The following CRACR2A variants were observed in gnomAD, a reference collection of about 807,000 sequenced individuals.
CRACR2A encodes EF-hand calcium-binding domain-containing protein 4B.
In CRACR2A, 79 loss-of-function variants were observed where a neutral mutation model predicts 90.5. The ratio of observed to expected loss-of-function variants is 0.87; its 90% CI spans 0.73 to 1.05. CRACR2A has a LOEUF of 1.05. Ranked by LOEUF, CRACR2A falls within the 50% of genes least tolerant of loss-of-function variation. CRACR2A has a pLI of 0.00. For synonymous variants in CRACR2A, 338 were observed against 356.7 expected, an observed-to-expected ratio of 0.95 and a Z score of 0.59; for missense variants, 823 against 897.2, an observed-to-expected ratio of 0.92 and a Z score of 1.06.
At chr12:3,646,356 A>G (rs1298227870) in intron 11 of CRACR2A, among the ~76,000 whole-genome samples, 1 of 152,226 alleles carries the variant, frequency 6.6e-6, no homozygotes. Flanking sequence ...TTGAAGGGCA[A>G]GGGAGGGCAC....
At chr12:3,621,736 A>G (rs935515138) in intron 17 of CRACR2A, among the ~76,000 whole-genome samples, 5 of 150,794 alleles carry the variant, frequency 3.3e-5, no homozygotes, top group Non-Finnish European at 5.9e-5. Context: ...CAGAAAAAAA[A>G]AATTTAAAAG....
At chr12:3,733,235 AG>A (rs1946390012) in intron 1 of CRACR2A, 25 bp from the exon 2 acceptor site, 1 of 152,276 alleles carries the variant, frequency 6.6e-6, no homozygotes, top group African/African-American at 2.4e-5. Context: ...GAGAGAGGAA[AG>A]GGTTCCTCAC....
Position 3,648,585 on chromosome 12 carries a change from G to A in CRACR2A, c.1075C>T (p.Gln359Ter). Residue 359 changes from glutamine (Q) to a stop codon, truncating the protein, a stop_gained, in exon 11 of 20, where the codon CAG becomes TAG. Transcript: ENST00000440314. LOFTEE classifies it high-confidence loss of function. ...TTGAGGAGCCCGGCCTTCTCACGCT[G>A]TAGACTCTCCGTCACACGGTACACT... ...MEVYRVTESL[Q>*]REKAGLLKQL... The A allele has an allele frequency of 6.2e-7, 1 of 1,614,148 alleles. No individual in the cohort carries two copies. The highest frequency in any genetic ancestry group is 8.5e-7 in the Non-Finnish European group (1 of 1,180,014).
chr12:3,692,946 T>C (rs1439319953), intron 4 of CRACR2A, among the ~76,000 whole-genome samples: 1 of 152,152 alleles, frequency 6.6e-6, no homozygotes, highest in Non-Finnish European at 1.5e-5. Flanking sequence ...TCTGTGGCAG[T>C]GTTGGCATCA....
intron 2 of CRACR2A, among the ~76,000 whole-genome samples, chr12:3,721,601 A>AT: frequency 6.6e-6 from 1 of 151,804 alleles, no homozygotes; most frequent in East Asian, 1.9e-4. Flanking sequence ...AAAAAAAAAA[A>AT]AGTGAGTGAA....
chr12:3,620,952 G>C (rs1343092365), intron 17 of CRACR2A, among the ~76,000 whole-genome samples: 1 of 152,204 alleles, frequency 6.6e-6, no homozygotes, highest in African/African-American at 2.4e-5. Context: ...CTATTAGCTA[G>C]AGCGTTCACT....
chr12:3,680,457 C>T (rs550201203), intron 4 of CRACR2A, 108 bp from the exon 5 acceptor site: 14 of 822,838 alleles, frequency 1.7e-5, no homozygotes, highest in South Asian at 1.4e-4. Context: ...TCGGCCCAGT[C>T]CTACAAAAGC....
intron 7 of CRACR2A, among the ~76,000 whole-genome samples, chr12:3,672,286 A>ATCTCT (rs5796071): frequency 0.15 from 22,373 of 152,130 alleles, 1,788 homozygotes; most frequent in South Asian, 0.26. Context: ...ACACATGGTG[A>ATCTCT]TCTTGCTCAA....
intron 8 of CRACR2A, among the ~76,000 whole-genome samples, chr12:3,658,833 A>T (rs1450127946): frequency 9.3e-5 from 14 of 150,414 alleles, no homozygotes; most frequent in South Asian, 2.1e-4. Flanking sequence ...TTTTTTTTTT[A>T]AATTAGTTTT....
intron 2 of CRACR2A, among the ~76,000 whole-genome samples, chr12:3,720,416 G>GAAGAAAGCAAGAAAGA (rs1946147700): frequency 9.4e-6 from 1 of 106,634 alleles, no homozygotes; most frequent in African/African-American, 3.7e-5. Context: ...TGAGAGAGAG[G>GAAGAAAGCAAGAAAGA]AAGAAAGAAA....
At chr12:3,724,838 C>T (rs1458262047) in intron 2 of CRACR2A, among the ~76,000 whole-genome samples, 1 of 152,168 alleles carries the variant, frequency 6.6e-6, no homozygotes, top group Non-Finnish European at 1.5e-5. Flanking sequence ...TCCGACCTCA[C>T]CCTTCACTGG....
intron 3 of CRACR2A, among the ~76,000 whole-genome samples, chr12:3,699,730 A>G (rs1945804459): frequency 6.6e-6 from 1 of 152,180 alleles, no homozygotes; most frequent in Non-Finnish European, 1.5e-5. Flanking sequence ...GCTATGAGCA[A>G]CCAGTAGACA....
At chr12:3,749,113 T>A (rs1591731054) in intron 1 of CRACR2A, among the ~76,000 whole-genome samples, 1 of 152,206 alleles carries the variant, frequency 6.6e-6, no homozygotes. Context: ...AACTTTTCTA[T>A]AAAATGGGCA....
intron 4 of CRACR2A, among the ~76,000 whole-genome samples, chr12:3,686,335 A>T (rs543878857): frequency 6.6e-6 from 1 of 152,212 alleles, no homozygotes; most frequent in East Asian, 1.9e-4. Flanking sequence ...AAAACACATA[A>T]AAGAATGAGC....
chr12:3,653,436 G>C (rs1035536596), intron 10 of CRACR2A, among the ~76,000 whole-genome samples: 11 of 152,158 alleles, frequency 7.2e-5, no homozygotes, highest in Admixed American at 4.6e-4. Context: ...AAACAAATGA[G>C]AGTCCTCTGC....
chr12:3,690,099 A>C (rs910425100), intron 4 of CRACR2A, among the ~76,000 whole-genome samples: 1 of 151,578 alleles, frequency 6.6e-6, no homozygotes, highest in African/African-American at 2.4e-5. Flanking sequence ...TTTTTCAAAA[A>C]AAGAAAAAAC....
intron 7 of CRACR2A, among the ~76,000 whole-genome samples, chr12:3,669,747 AG>A (rs1945208268): frequency 6.6e-6 from 1 of 152,124 alleles, no homozygotes; most frequent in Admixed American, 6.5e-5. Flanking sequence ...CCTCCCTCCC[AG>A]GAAGTGGAGT....
chr12:3,728,740 C>A (rs1946312225), intron 2 of CRACR2A: 1 of 152,348 alleles, frequency 6.6e-6, no homozygotes, highest in Non-Finnish European at 1.5e-5. Context: ...ATGAGAAAAG[C>A]TGAGGTGGAG....
intron 3 of CRACR2A, among the ~76,000 whole-genome samples, chr12:3,700,128 G>A (rs930600037): frequency 6.6e-6 from 1 of 152,194 alleles, no homozygotes; most frequent in African/African-American, 2.4e-5. Flanking sequence ...GATTTAAAAA[G>A]ACATCTACTC....
Sources: allele counts gnomAD v4.1 joint callset (sites outside exome capture counted in the v4.1 genomes callset), GRCh38; gene constraint gnomAD v4.1.1; transcripts MANE v1.5; gene names NCBI Gene and HGNC (gene_info 2026-07-23, HGNC 2026-07-21).